The following LRMDA variants were observed in gnomAD, a reference collection of about 807,000 sequenced individuals.
LRMDA encodes the protein leucine-rich melanocyte differentiation-associated protein.
Under a neutral mutation model 29.8 loss-of-function variants are expected in LRMDA, and 18 were observed. That is an observed-to-expected ratio of 0.60 (90% CI 0.42 to 0.90). LRMDA has a LOEUF of 0.90. LRMDA is among the 40% of genes least tolerant of loss of function. The pLI is 0.00. For synonymous variants in LRMDA, 125 were observed against 109.4 expected, an observed-to-expected ratio of 1.14 and a Z score of -0.89; for missense variants, 273 against 273.9, an observed-to-expected ratio of 1.00 and a Z score of 0.02.
chr10:76,233,123 C>T (rs1024651962), intron 5 of LRMDA, among the ~76,000 whole-genome samples: 1 of 152,104 alleles, frequency 6.6e-6, no homozygotes, highest in African/African-American at 2.4e-5. Flanking sequence ...GGGATTTCAC[C>T]GGGGACCCCC....
At chr10:75,762,485 G>A (rs1843109667) in intron 2 of LRMDA, among the ~76,000 whole-genome samples, 1 of 152,228 alleles carries the variant, frequency 6.6e-6, no homozygotes, top group Non-Finnish European at 1.5e-5. Flanking sequence ...AACTGAAGAT[G>A]TGCAGTGCCC....
At chr10:75,696,625 A>G (rs1230135638) in intron 2 of LRMDA, among the ~76,000 whole-genome samples, 1 of 152,220 alleles carries the variant, frequency 6.6e-6, no homozygotes, top group Non-Finnish European at 1.5e-5. Context: ...TGAGCAGAAA[A>G]GCTGTAAGAC....
chr10:76,006,794 G>A lies in LRMDA; in HGVS notation c.132-29214G>A, dbSNP rs199502338. On this transcript the variant is annotated intron_variant, in intron 2 of 6. Coordinates refer to ENST00000611255, the MANE Select transcript of LRMDA (RefSeq NM_001305581.2). ...CTGATCCTACTAAATAATAAACTAG[G>A]CTTCTTTTTAAAAAGACGTGGCTTT... 3.6e-3 allele frequency among the ~76,000 whole-genome samples: 552 copies of A among 152,198 alleles called. 3 individuals carry two copies. The highest frequency in any genetic ancestry group is 0.013 in the African/African-American group (523 of 41,520).
intron 2 of LRMDA, among the ~76,000 whole-genome samples, chr10:75,564,402 G>A (rs1840342866): frequency 6.6e-6 from 1 of 152,222 alleles, no homozygotes; most frequent in Non-Finnish European, 1.5e-5. Context: ...CAGTATTAGG[G>A]TGGGAGTGAC....
chr10:75,717,828 A>G (rs1027265181), intron 2 of LRMDA, among the ~76,000 whole-genome samples: 2 of 152,194 alleles, frequency 1.3e-5, no homozygotes, highest in Admixed American at 6.5e-5. Flanking sequence ...TGTTCATTAT[A>G]TAGTCTGTAG....
At chr10:75,654,408 A>G (rs965758802) in intron 2 of LRMDA, among the ~76,000 whole-genome samples, 1 of 152,212 alleles carries the variant, frequency 6.6e-6, no homozygotes, top group African/African-American at 2.4e-5. Flanking sequence ...AGTATATTAA[A>G]TTTACTAGTT....
At chr10:76,418,044 A>G (rs1437107755) in intron 6 of LRMDA, among the ~76,000 whole-genome samples, 1 of 152,190 alleles carries the variant, frequency 6.6e-6, no homozygotes, top group Admixed American at 6.5e-5. Context: ...GTCAATGACT[A>G]CAGTTTTATA....
intron 2 of LRMDA, among the ~76,000 whole-genome samples, chr10:75,864,069 G>A (rs1844979598): frequency 6.6e-6 from 1 of 152,108 alleles, no homozygotes; most frequent in South Asian, 2.1e-4. Context: ...ACAGCCTCAG[G>A]CCTGCTACTG....
intron 5 of LRMDA, among the ~76,000 whole-genome samples, chr10:76,276,093 CTTTT>C (rs1379989989): frequency 2.0e-5 from 3 of 150,228 alleles, no homozygotes; most frequent in Non-Finnish European, 3.0e-5. Context: ...TTCTTTCTTT[CTTTT>C]GTTAATTCTT....
chr10:76,245,825 G>A (rs1413811460), intron 5 of LRMDA, among the ~76,000 whole-genome samples: 1 of 152,124 alleles, frequency 6.6e-6, no homozygotes, highest in African/African-American at 2.4e-5. Flanking sequence ...GAGGAGGGGA[G>A]GATGGGGATA....
At chr10:76,348,166 C>A (rs1841131904) in intron 6 of LRMDA, among the ~76,000 whole-genome samples, 1 of 152,086 alleles carries the variant, frequency 6.6e-6, no homozygotes. Context: ...CAAAATGTAG[C>A]CCCGAGGAAA....
chr10:76,475,695 C>T lies in LRMDA; in HGVS notation c.602-81514C>T, dbSNP rs996202292. Among the ~76,000 whole-genome samples, 4 of 152,184 alleles carry T rather than the reference C, an allele frequency of 2.6e-5. No homozygotes were observed. The East Asian group carries it at 7.8e-4, about 30-fold the overall frequency. On this transcript the variant is annotated intron_variant, in intron 6 of 6. Coordinates refer to ENST00000611255, the MANE Select transcript of LRMDA (RefSeq NM_001305581.2). ...GTAAAAGAACAGAAATTATAACAAC[C>T]TGTCTCTCAGACCACAGTGCAATCA... is the stretch of plus-strand genomic sequence containing the variant.
At chr10:75,813,445 C>G (rs1843999219) in intron 2 of LRMDA, among the ~76,000 whole-genome samples, 1 of 152,168 alleles carries the variant, frequency 6.6e-6, no homozygotes, top group African/African-American at 2.4e-5. Flanking sequence ...ATAAAGCTCC[C>G]CAGCTGATTT....
intron 6 of LRMDA, among the ~76,000 whole-genome samples, chr10:76,398,116 A>C (rs767424551): frequency 1.2e-4 from 18 of 152,196 alleles, no homozygotes; most frequent in Non-Finnish European, 2.6e-4. Flanking sequence ...GTAACATCAA[A>C]ACGGAGACAT....
intron 2 of LRMDA, among the ~76,000 whole-genome samples, chr10:75,952,561 T>A (rs1846594536): frequency 6.6e-6 from 1 of 152,010 alleles, no homozygotes; most frequent in Admixed American, 6.6e-5. Context: ...GCAAGGTGAG[T>A]GAGGGATACT....
chr10:75,876,598 A>G (rs1845202633), intron 2 of LRMDA, among the ~76,000 whole-genome samples: 1 of 152,180 alleles, frequency 6.6e-6, no homozygotes. Flanking sequence ...AGAACTTTCT[A>G]TTCATGGGCC....
chr10:76,236,243 C>T (rs1039767065), intron 5 of LRMDA, among the ~76,000 whole-genome samples: 3 of 152,188 alleles, frequency 2.0e-5, no homozygotes, highest in African/African-American at 7.2e-5. Context: ...ATTAATTAAG[C>T]AGGCTGCACT....
At chr10:75,772,873 G>GT (rs1268069866) in intron 2 of LRMDA, among the ~76,000 whole-genome samples, 1 of 118,130 alleles carries the variant, frequency 8.5e-6, no homozygotes, top group Middle Eastern at 4.4e-3. Flanking sequence ...GTGGGATGGG[G>GT]GGGGGCAGAT....
Position 76,012,353 on chromosome 10 carries a change from A to C in LRMDA, c.132-23655A>C, listed in dbSNP as rs547109424. Among the ~76,000 whole-genome samples the C allele has an allele frequency of 4.6e-5, 7 of 152,266 alleles. No homozygotes were observed. In the South Asian group the frequency reaches 1.2e-3, roughly 27 times the overall value. On this transcript the variant is annotated intron_variant, in intron 2 of 6. Transcript: ENST00000611255. Reference sequence around the variant, plus strand: ...TTCCAGGACAGAGCTCACAGCCCAGATACAGCATGAGAGCTTTCATGTCCC... The same window carrying C: ...TTCCAGGACAGAGCTCACAGCCCAGCTACAGCATGAGAGCTTTCATGTCCC...
Sources: gnomAD v4.1 joint callset for allele counts (sites outside exome capture counted in the v4.1 genomes callset) on GRCh38, gnomAD v4.1.1 for gene constraint, MANE v1.5 for transcripts, NCBI Gene and HGNC (gene_info 2026-07-23, HGNC 2026-07-21) for gene names.